Variants in PCDHGB4 observed in about 807,000 individuals in gnomAD.
PCDHGB4 encodes protocadherin gamma subfamily B, 4.
PCDHGB4 carries 38 observed loss-of-function variants against 60.5 expected under a neutral mutation model. The ratio of observed to expected loss-of-function variants is 0.63; its 90% CI spans 0.48 to 0.82. The LOEUF (loss-of-function observed/expected upper bound fraction) is 0.82. PCDHGB4 is among the 40% of genes least tolerant of loss of function. The pLI is 0.00. For synonymous variants in PCDHGB4, 456 were observed against 509.7 expected (o/e 0.89, Z 1.42); for missense variants, 1,109 against 1,209.6 (o/e 0.92, Z 1.23).
chr5:141,431,604 G>C lies in PCDHGB4; in HGVS notation c.2397+41323G>C. 1 of 1,614,206 alleles carries C rather than the reference G, an allele frequency of 6.2e-7. No individual in the cohort carries two copies. Among genetic ancestry groups the C allele is most frequent in the South Asian group, 1.1e-5 (1 of 91,088 alleles). On this transcript the variant is annotated intron_variant, in intron 1 of 3. Coordinates refer to ENST00000519479, the MANE Select transcript of PCDHGB4 (RefSeq NM_003736.4). The surrounding 1 kb of genome is among the most constrained non-coding windows in gnomAD (Gnocchi z 4.8). ...AATGCGGAAGTGAGGTATTCCTTCC[G>C]GTATGTGGACGACAAGGCGGCCCAA...
chr5:141,403,302 A>G (rs1195717654), intron 1 of PCDHGB4: 1 of 1,613,904 alleles, frequency 6.2e-7, no homozygotes, highest in East Asian at 2.2e-5. Flanking sequence ...GTGAAACTGT[A>G]CGGAATAGAA....
chr5:141,438,576 A>C (rs1016175176), intron 1 of PCDHGB4, among the ~76,000 whole-genome samples: 4 of 55,572 alleles, frequency 7.2e-5, no homozygotes, highest in Non-Finnish European at 1.2e-4. Context: ...TCTGATATAC[A>C]TACATACATA....
rs560662076 is a variant in PCDHGB4, at chr5:141,498,856, C to A, written c.2456+3991C>A. Among the ~76,000 whole-genome samples, 72 of 152,004 alleles carry A rather than the reference C, an allele frequency of 4.7e-4. 2 individuals carry two copies. Among genetic ancestry groups the A allele is most frequent in the African/African-American group, 1.7e-3 (69 of 41,430 alleles). ...GCTGAGGCAGGGGAATCGCTTGAACCCAGGAGGCGGAGGTTGCAGTGAGCT... is the reference window on the plus strand; with the variant it reads ...GCTGAGGCAGGGGAATCGCTTGAACACAGGAGGCGGAGGTTGCAGTGAGCT... On this transcript the variant is annotated intron_variant, in intron 2 of 3. Coordinates refer to ENST00000519479, the MANE Select transcript of PCDHGB4 (RefSeq NM_003736.4).
chr5:141,445,272 T>C (rs1057201147), intron 1 of PCDHGB4, among the ~76,000 whole-genome samples: 1 of 152,236 alleles, frequency 6.6e-6, no homozygotes, highest in Non-Finnish European at 1.5e-5. Flanking sequence ...TCGAAACCAC[T>C]CTGCATAAGT....
Position 141,403,164 on chromosome 5 carries a change from G to A in PCDHGB4, c.2397+12883G>A, listed in dbSNP as rs11575960. The A allele has an allele frequency of 4.9e-3, 7,986 of 1,614,050 alleles. 45 individuals are homozygous for A. Among genetic ancestry groups the A allele is most frequent in the Admixed American group, 9.4e-3 (567 of 60,028 alleles). The stretch of plus-strand genomic sequence containing the variant: ...CGAGTCCGCATCGTCTCTAGAGGTA[G>A]GACGCAGCTTTTCTCTCTGAACCCG... On this transcript the variant is annotated intron_variant, in intron 1 of 3. Coordinates refer to ENST00000519479, the MANE Select transcript of PCDHGB4 (RefSeq NM_003736.4).
rs1371103397 is a variant in PCDHGB4, at chr5:141,390,295, A to G, written c.2397+14A>G. The G allele has an allele frequency of 1.2e-6, 2 of 1,613,930 alleles. No homozygotes were observed. Among genetic ancestry groups the G allele is most frequent in the South Asian group, 2.2e-5 (2 of 91,072 alleles). On this transcript the variant is annotated intron_variant, in intron 1 of 3. Transcript: ENST00000519479. ...ACTTCCCATCAGGTGAGTTTCCTTT[A>G]AGTATAATTTAATGCTCATTGCCTA...
chr5:141,388,583 T>G lies in PCDHGB4; in HGVS notation c.699T>G (p.Thr233=). ...CTGCACAGATACACGTTCTAGTGAC[T>G]GATGCCAATGATAATGCTCCAGTGT... ...SSTAQIHVLV[T]DANDNAPVFS... Residue 233 remains threonine (T), a synonymous_variant, in exon 1 of 4, where the codon ACT becomes ACG. Coordinates refer to ENST00000519479, the MANE Select transcript of PCDHGB4 (RefSeq NM_003736.4). 1 of 1,613,894 alleles carries G rather than the reference T, an allele frequency of 6.2e-7. No individual in the cohort carries two copies. The highest frequency in any genetic ancestry group is 8.5e-7 in the Non-Finnish European group (1 of 1,179,876).
In PCDHGB4 at chr5:141,398,855, A is replaced by G. The variant is rs1376506270; in HGVS notation, c.2397+8574A>G. ...GCCAATGATAATCCCCCGGTATTCA[A>G]CCGAGACGTGTACAGAGTCAGCCTT... On this transcript the variant is annotated intron_variant, in intron 1 of 3. Coordinates refer to ENST00000519479, the MANE Select transcript of PCDHGB4 (RefSeq NM_003736.4). 2.5e-6 allele frequency: 4 copies of G among 1,613,852 alleles called. No individual in the cohort carries two copies. The African/African-American group carries it at 5.3e-5, about 22-fold the overall frequency.
rs2099694486 is a variant in PCDHGB4 at position 141,489,987 on chromosome 5, G to A, written c.2398-4820G>A. The A allele has an allele frequency of 1.2e-6, 2 of 1,614,106 alleles. No homozygotes were observed. The highest frequency in any genetic ancestry group is 1.3e-5 in the African/African-American group (1 of 74,932). The stretch of plus-strand genomic sequence containing the variant: ...CCTTCCAATCCTCAGTTCTACGTGT[G>A]GGAATCCCAGAGAATGCACCCATTG... On this transcript the variant is annotated intron_variant, in intron 1 of 3. Coordinates refer to ENST00000519479, the MANE Select transcript of PCDHGB4 (RefSeq NM_003736.4). The surrounding 1 kb of genome is among the most constrained non-coding windows in gnomAD (Gnocchi z 4.5).
chr5:141,503,654 G>C (rs1248501987), intron 2 of PCDHGB4, among the ~76,000 whole-genome samples: 1 of 150,388 alleles, frequency 6.6e-6, no homozygotes, highest in Non-Finnish European at 1.5e-5. Flanking sequence ...AATGGAAACA[G>C]AATTACAACT....
rs747671382 is a variant in PCDHGB4 at position 141,444,152 on chromosome 5, A to ATTTTTTTT, written c.2398-50626_2398-50619dup. ...GATATGTGTCACTTGTGTGTACTGG[A>ATTTTTTTT]TTTTTTTTTTTTTTTTTTTTTTTTT... On this transcript the variant is annotated intron_variant, in intron 1 of 3. Transcript: ENST00000519479. Among the ~76,000 whole-genome samples, 8 of 33,898 alleles carry ATTTTTTTT rather than the reference A, an allele frequency of 2.4e-4. 3 individuals are homozygous for ATTTTTTTT. Among genetic ancestry groups the ATTTTTTTT allele is most frequent in the African/African-American group, 5.6e-4 (4 of 7,184 alleles). The allele number at this position is 33,898 out of a possible 152,430, so 22.2% of individuals were successfully genotyped here.
At chr5:141,465,852 G>A (rs1250863307) in intron 1 of PCDHGB4, among the ~76,000 whole-genome samples, 1 of 151,996 alleles carries the variant, frequency 6.6e-6, no homozygotes, top group East Asian at 1.9e-4. Context: ...GCTGGGCCCA[G>A]TGGCTCATGC....
chr5:141,511,632 G>A lies in PCDHGB4; in HGVS notation c.*459G>A, dbSNP rs1388627906. The A allele has an allele frequency of 8.6e-6, 2 of 231,934 alleles. No homozygotes were observed. The highest frequency in any genetic ancestry group is 5.1e-5 in the Admixed American group (1 of 19,634). 14.4% of individuals were successfully genotyped at this position (231,934 alleles called of 1,614,324 possible). A position where few individuals can be genotyped will look rare whatever the true frequency, so the allele number is the denominator to read the frequency against. On this transcript the variant is annotated 3_prime_UTR_variant, in exon 4 of 4. Transcript: ENST00000519479. ...CCTCCTAGTTCTGAAAAGTTGGAAG[G>A]GCATCATGACCTCTTGGCCTCTCCT...
chr5:141,451,576 C>G (rs997933491), intron 1 of PCDHGB4, among the ~76,000 whole-genome samples: 10 of 152,164 alleles, frequency 6.6e-5, no homozygotes, highest in Middle Eastern at 3.4e-3. Context: ...TTTTTATAAA[C>G]CTAATTTTGA....
rs367744321 is a variant in PCDHGB4, at chr5:141,489,394, C to G, written c.2398-5413C>G. The G allele has an allele frequency of 3.7e-6, 6 of 1,614,008 alleles. No individual in the cohort carries two copies. In the African/African-American group the frequency reaches 6.7e-5, roughly 18 times the overall value. On this transcript the variant is annotated intron_variant, in intron 1 of 3. Transcript: ENST00000519479. The surrounding 1 kb of genome is among the most constrained non-coding windows in gnomAD (Gnocchi z 4.5). ...GCTGGTGGGGAATGTTGCTCAGGATCTGGGCTTAAAGATGACAGATCTGTT... is the reference window on the plus strand; with the variant it reads ...GCTGGTGGGGAATGTTGCTCAGGATGTGGGCTTAAAGATGACAGATCTGTT...
intron 2 of PCDHGB4, among the ~76,000 whole-genome samples, chr5:141,500,148 G>A (rs936567158): frequency 6.6e-6 from 1 of 150,990 alleles, no homozygotes; most frequent in Non-Finnish European, 1.5e-5. Flanking sequence ...ACTTTTCTTT[G>A]TGTAATCAAA....
In PCDHGB4 at chr5:141,398,847, G is replaced by A. The variant is rs773663002; in HGVS notation, c.2397+8566G>A. On this transcript the variant is annotated intron_variant, in intron 1 of 3. Coordinates refer to ENST00000519479, the MANE Select transcript of PCDHGB4 (RefSeq NM_003736.4). Reference sequence around the variant, plus strand: ...TAACCGACGCCAATGATAATCCCCCGGTATTCAACCGAGACGTGTACAGAG... The same window carrying A: ...TAACCGACGCCAATGATAATCCCCCAGTATTCAACCGAGACGTGTACAGAG... The A allele has an allele frequency of 2.5e-6, 4 of 1,613,758 alleles. No homozygotes were observed. In the African/African-American group the frequency reaches 5.3e-5, roughly 22 times the overall value.
intron 1 of PCDHGB4, chr5:141,416,335 C>A (rs573998059): frequency 6.6e-6 from 1 of 152,256 alleles, no homozygotes; most frequent in Non-Finnish European, 1.5e-5. Flanking sequence ...ACTTTCATTG[C>A]TCAATAGGGA....
rs370242892 is a variant in PCDHGB4 at position 141,420,225 on chromosome 5, C to A, written c.2397+29944C>A. On this transcript the variant is annotated intron_variant, in intron 1 of 3. Coordinates refer to ENST00000519479, the MANE Select transcript of PCDHGB4 (RefSeq NM_003736.4). ...CTCAACAAAGATAGCATGCTACTGGCTAGCATTTTAACTCCCAGCGTTGAA... is the reference window on the plus strand; with the variant it reads ...CTCAACAAAGATAGCATGCTACTGGATAGCATTTTAACTCCCAGCGTTGAA... 13 of 1,603,470 alleles carry A rather than the reference C, an allele frequency of 8.1e-6. No homozygotes were observed. In the African/African-American group the frequency reaches 1.7e-4, roughly 21 times the overall value.
Sources: allele counts gnomAD v4.1 joint callset (sites outside exome capture counted in the v4.1 genomes callset), GRCh38; gene constraint gnomAD v4.1.1; non-coding constraint Gnocchi (gnomAD v3.1); transcripts MANE v1.5; gene names NCBI Gene and HGNC (gene_info 2026-07-23, HGNC 2026-07-21).